Variants in STK39 observed in about 807,000 individuals in gnomAD.
The protein encoded by STK39 is serine/threonine kinase 39.
STK39 carries 20 observed loss-of-function variants against 77.8 expected under a neutral mutation model. That is an observed-to-expected ratio of 0.26 (90% CI 0.18 to 0.37). The LOEUF (loss-of-function observed/expected upper bound fraction) is 0.37, where lower values mean the gene tolerates loss of function less well. Among genes scored for constraint, STK39 ranks in the 10% least tolerant of loss-of-function variants. The pLI is 1.00. For missense variants in STK39, 479 were observed against 656.5 expected (o/e 0.73, Z 2.95); for synonymous variants, 246 against 234.1 (o/e 1.05, Z -0.47).
chr2:168,074,730 C>A (rs188670490), intron 12 of STK39, among the ~76,000 whole-genome samples: 2 of 152,174 alleles, frequency 1.3e-5, no homozygotes, highest in Non-Finnish European at 2.9e-5. Flanking sequence ...ACCCTCATGG[C>A]GACTTTCTTA....
At chr2:168,232,312 T>C (rs922024490) in intron 1 of STK39, 1 of 154,272 alleles carries the variant, frequency 6.5e-6, no homozygotes, top group African/African-American at 2.4e-5. Context: ...TTTCTGTACA[T>C]AAAAATTCTG....
chr2:168,101,571 C>T (rs1003082471), intron 10 of STK39, among the ~76,000 whole-genome samples: 1 of 151,950 alleles, frequency 6.6e-6, no homozygotes, highest in Non-Finnish European at 1.5e-5. Flanking sequence ...AACCCCATCT[C>T]TACTAAACAT....
At chr2:168,059,332 AG>A in intron 14 of STK39, among the ~76,000 whole-genome samples, 1 of 152,322 alleles carries the variant, frequency 6.6e-6, no homozygotes, top group African/African-American at 2.4e-5. Flanking sequence ...GCAAAGGTGA[AG>A]ATGTAATTAA....
chr2:167,972,248 A>C (rs1182361996), intron 16 of STK39, among the ~76,000 whole-genome samples: 2 of 152,224 alleles, frequency 1.3e-5, no homozygotes, highest in Non-Finnish European at 2.9e-5. Flanking sequence ...GTCACTGTTT[A>C]TCTCTCTTGT....
intron 8 of STK39, among the ~76,000 whole-genome samples, chr2:168,137,060 A>G (rs1687858750): frequency 6.6e-6 from 1 of 152,250 alleles, no homozygotes; most frequent in African/African-American, 2.4e-5. Flanking sequence ...AATGGGTACA[A>G]TTATGGAAAC....
At chr2:168,000,444 T>C (rs1683971045) in intron 16 of STK39, among the ~76,000 whole-genome samples, 1 of 152,240 alleles carries the variant, frequency 6.6e-6, no homozygotes, top group African/African-American at 2.4e-5. Flanking sequence ...GAATAACCGA[T>C]AGCATTTTTA....
chr2:168,105,463 G>C (rs1171777462), intron 10 of STK39, among the ~76,000 whole-genome samples: 3 of 152,294 alleles, frequency 2.0e-5, no homozygotes, highest in African/African-American at 7.2e-5. Flanking sequence ...TGTTTCAGGG[G>C]GCCCACTTCA....
chr2:168,228,501 TAA>T (rs1309167971), intron 1 of STK39, among the ~76,000 whole-genome samples: 1 of 152,092 alleles, frequency 6.6e-6, no homozygotes, highest in Non-Finnish European at 1.5e-5. Flanking sequence ...TTGAGAAGTA[TAA>T]AATAGGGCCA....
intron 14 of STK39, among the ~76,000 whole-genome samples, chr2:168,040,829 C>A (rs1013656494): frequency 6.6e-6 from 1 of 152,146 alleles, no homozygotes; most frequent in Non-Finnish European, 1.5e-5. Context: ...GCTAAGGGTT[C>A]TTTTCCCTTG....
chr2:168,140,122 T>G (rs182723059), intron 7 of STK39, among the ~76,000 whole-genome samples, 167 bp downstream of exon 7: 2 of 152,368 alleles, frequency 1.3e-5, no homozygotes, highest in East Asian at 3.9e-4. Flanking sequence ...ATGCTACTTT[T>G]GTCCTATTCT....
intron 12 of STK39, 151 bp downstream of exon 12, chr2:168,074,831 C>T: frequency 1.2e-6 from 1 of 858,472 alleles, no homozygotes; most frequent in South Asian, 1.9e-5. Context: ...CAAAGTAACT[C>T]AGACAGAATT....
intron 16 of STK39, among the ~76,000 whole-genome samples, chr2:167,987,995 G>T (rs1683603614): frequency 6.6e-6 from 1 of 152,150 alleles, no homozygotes; most frequent in Non-Finnish European, 1.5e-5. Flanking sequence ...CAGAGGAAAT[G>T]GAGGCACACA....
At chr2:168,015,692 A>G (rs188940975) in intron 15 of STK39, among the ~76,000 whole-genome samples, 1 of 152,368 alleles carries the variant, frequency 6.6e-6, no homozygotes, top group East Asian at 1.9e-4. Context: ...AATCAGATGA[A>G]AAGAAACAAT....
intron 14 of STK39, among the ~76,000 whole-genome samples, chr2:168,019,458 A>G (rs1257410003): frequency 1.3e-5 from 2 of 152,250 alleles, no homozygotes; most frequent in Non-Finnish European, 2.9e-5. Context: ...GTTCAGTACT[A>G]TCTTTGGCTT....
intron 1 of STK39, among the ~76,000 whole-genome samples, chr2:168,244,667 C>T (rs550731253): frequency 1.3e-5 from 2 of 152,164 alleles, no homozygotes; most frequent in Non-Finnish European, 2.9e-5. Context: ...GTTTGTAATT[C>T]CTTATAAACA....
chr2:168,199,929 T>C (rs78623865), intron 1 of STK39, among the ~76,000 whole-genome samples: 3,590 of 152,288 alleles, frequency 0.024, 89 homozygotes, highest in East Asian at 0.078. Flanking sequence ...CCATATCAAA[T>C]ATTGCTTGAA....
At chr2:168,122,360 T>C (rs917395596) in intron 10 of STK39, among the ~76,000 whole-genome samples, 3 of 152,222 alleles carry the variant, frequency 2.0e-5, no homozygotes, top group African/African-American at 7.2e-5. Context: ...GCAAAGGACA[T>C]GATCTTGTTC....
At chr2:168,001,151 G>A (rs1250791492) in intron 16 of STK39, among the ~76,000 whole-genome samples, 6 of 151,988 alleles carry the variant, frequency 3.9e-5, no homozygotes, top group African/African-American at 9.7e-5. Flanking sequence ...AATGGTTACC[G>A]TGGGTTATGC....
At chr2:167,957,062 A>G (rs1691805286) in intron 17 of STK39, among the ~76,000 whole-genome samples, 1 of 152,012 alleles carries the variant, frequency 6.6e-6, no homozygotes, top group Non-Finnish European at 1.5e-5. Context: ...GAACTGTTCA[A>G]AAAAACAGTA....
Sources: allele counts gnomAD v4.1 joint callset (sites outside exome capture counted in the v4.1 genomes callset), GRCh38; gene constraint gnomAD v4.1.1; transcripts MANE v1.5; gene names NCBI Gene and HGNC (gene_info 2026-07-23, HGNC 2026-07-21).